The following VAX1 variants were observed in gnomAD, a reference collection of about 807,000 sequenced individuals.
The protein encoded by VAX1 is ventral anterior homeobox 1.
Under a neutral mutation model 17.6 loss-of-function variants are expected in VAX1, and 6 were observed. That is an observed-to-expected ratio of 0.34 (90% confidence interval 0.19 to 0.67). VAX1 has a LOEUF of 0.67. VAX1 is among the 30% of genes least tolerant of loss of function. The pLI is 0.69. For missense variants in VAX1, 408 were observed against 463.7 expected (o/e 0.88, Z 1.10); for synonymous variants, 256 against 227.4 (o/e 1.13, Z -1.13).
downstream of VAX1, chr10:117,131,132 G>A (rs529177604): frequency 1.3e-5 from 2 of 152,958 alleles, no homozygotes; most frequent in Non-Finnish European, 2.9e-5. Flanking sequence ...CCTTGAGCAG[G>A]AGAAAAAAAC....
Position 117,134,183 on chromosome 10 carries a change from A to G in VAX1, c.830T>C (p.Val277Ala), listed in dbSNP as rs1854133267. The G allele has an allele frequency of 1.3e-6, 2 of 1,519,092 alleles. No homozygotes were observed. The highest frequency in any genetic ancestry group is 4.3e-5 in the Admixed American group (2 of 46,106). 94.1% of individuals were successfully genotyped at this position (1,519,092 alleles called of 1,614,324 possible). A position where few individuals can be genotyped will look rare whatever the true frequency, so the allele number is the denominator to read the frequency against. The change falls in exon 3 of 3, where the codon GTG (valine) becomes GCG (alanine). Residue 277 changes from valine (V) to alanine (A), a missense_variant. Physicochemically the swap from Val to Ala is moderately conservative, Grantham distance 64. Coordinates refer to ENST00000369206, the MANE Select transcript of VAX1 (RefSeq NM_001112704.2). The surrounding 1 kb of genome is among the most constrained non-coding windows in gnomAD (Gnocchi z 6.2). ...GGCGACGGAGCCGAGCAGCGAGGGC[A>G]CCGGCAGGCTGAAGAGGCTGTGGCC... is the stretch of plus-strand genomic sequence containing the variant. ...AAGHSLFSLP[V>A]PSLLGSVASR...
chr10:117,132,574 T>G, downstream of VAX1: 1 of 1,380,938 alleles, frequency 7.2e-7, no homozygotes, highest in Non-Finnish European at 9.9e-7. This position sits in a 1 kb window ranked among gnomAD's most constrained non-coding sequence, Gnocchi z 4.9. Context: ...TTCGCTTGCT[T>G]CAGATGGATG....
Position 117,133,485 on chromosome 10 carries a change from C to CG in VAX1, c.*522dup. 1 of 985,542 alleles carries CG rather than the reference C, an allele frequency of 1.0e-6. No individual in the cohort carries two copies. The highest frequency in any genetic ancestry group is 1.2e-6 in the Non-Finnish European group (1 of 830,034). The allele number at this position is 985,542 out of a possible 1,614,324, so 61.0% of individuals were successfully genotyped here. On this transcript the variant is annotated 3_prime_UTR_variant, in exon 3 of 3. Coordinates refer to ENST00000369206, the MANE Select transcript of VAX1 (RefSeq NM_001112704.2). ...CGACTATCCCGAGAGGTCCGCAAAG[C>CG]GGGGCCCAGGGGCTCCCACAAGCCC...
chr10:117,137,620 G>A lies in VAX1; in HGVS notation c.241+196C>T, dbSNP rs1346943088. Among the ~76,000 whole-genome samples, 1 of 152,186 alleles carries A rather than the reference G, an allele frequency of 6.6e-6. No homozygotes were observed. The highest frequency in any genetic ancestry group is 1.5e-5 in the Non-Finnish European group (1 of 68,038). On this transcript the variant is annotated intron_variant, in intron 1 of 2. Transcript: ENST00000369206. This position sits in a 1 kb window ranked among gnomAD's most constrained non-coding sequence, Gnocchi z 7.4. ...CAGCGGGGCCCCTCCGGGCGTGGAG[G>A]GCCGAGGCCCCTGGAGAGCGCACCG... is the stretch of plus-strand genomic sequence containing the variant.
In VAX1 at chr10:117,138,009, G is replaced by C. The variant is rs201199055; in HGVS notation, c.48C>G (p.Ala16=). 1.2e-5 allele frequency: 19 copies of C among 1,605,966 alleles called. No individual in the cohort carries two copies. In the East Asian group the frequency reaches 2.0e-4, roughly 17 times the overall value. The change falls in exon 1 of 3, where the codon GCC becomes GCG. Residue 16 remains alanine (A), a synonymous_variant. Transcript: ENST00000369206. ...DKMDVRCHSD[A]EAARVSKNAH... is the part of the protein sequence containing the mutation. The stretch of plus-strand genomic sequence containing the variant: ...CGTTCTTCGAGACCCGGGCAGCCTC[G>C]GCGTCCGAGTGGCATCGAACGTCCA...
chr10:117,130,507 C>T (rs12777713), downstream of VAX1: 18,469 of 105,422 alleles, frequency 0.18, 1,239 homozygotes, highest in East Asian at 0.42. Context: ...CCTTTCAGCT[C>T]CCCCCTCCTG....
chr10:117,138,173 G>T lies in VAX1; in HGVS notation c.-117C>A. 8.8e-7 allele frequency: 1 copy of T among 1,134,278 alleles called. No individual in the cohort carries two copies. Among genetic ancestry groups the T allele is most frequent in the Non-Finnish European group, 1.2e-6 (1 of 824,828 alleles). 70.3% of individuals were successfully genotyped at this position (1,134,278 alleles called of 1,614,324 possible). On this transcript the variant is annotated 5_prime_UTR_variant, in exon 1 of 3. Coordinates refer to ENST00000369206, the MANE Select transcript of VAX1 (RefSeq NM_001112704.2). ...AGGGGACAAAACCCCCGACAACGCG[G>T]CCCGTACGCCCGGCCCGGCGACAGG...
At position 117,136,316 on chromosome 10, in the gene VAX1, A is replaced by G. The variant is rs762494795; in HGVS notation, c.429+156T>C. Among the ~76,000 whole-genome samples, 10 of 152,222 alleles carry G rather than the reference A, an allele frequency of 6.6e-5. No homozygotes were observed. Among genetic ancestry groups the G allele is most frequent in the Non-Finnish European group, 1.5e-4 (10 of 68,040 alleles). ...GGGAAAGGATGTATTATCTAGGGGA[A>G]GGAATCCTTAGGCCTGTCTTACCCA... On this transcript the variant is annotated intron_variant, in intron 2 of 2. Coordinates refer to ENST00000369206, the MANE Select transcript of VAX1 (RefSeq NM_001112704.2). The surrounding 1 kb of genome is among the most constrained non-coding windows in gnomAD (Gnocchi z 5.0).
In VAX1 at chr10:117,138,249, G is replaced by A. The variant is rs201928731; in HGVS notation, c.-193C>T. 1.3e-3 allele frequency: 899 copies of A among 702,416 alleles called. 3 individuals are homozygous for A. Among genetic ancestry groups the A allele is most frequent in the Middle Eastern group, 5.7e-3 (14 of 2,446 alleles). 43.5% of individuals were successfully genotyped at this position (702,416 alleles called of 1,614,324 possible). ...CGGGGAGGCTTCGGCGGCCGCGCGC[G>A]GGTCAGCGGCGACGGGAGAGTGGCG... On this transcript the variant is annotated 5_prime_UTR_variant, in exon 1 of 3. Coordinates refer to ENST00000369206, the MANE Select transcript of VAX1 (RefSeq NM_001112704.2).
chr10:117,134,727 C>T lies in VAX1; in HGVS notation c.430-144G>A, dbSNP rs1370975221. The T allele has an allele frequency of 1.1e-4, 84 of 797,338 alleles. No individual in the cohort carries two copies. Among genetic ancestry groups the T allele is most frequent in the Non-Finnish European group, 1.4e-4 (80 of 553,856 alleles). The allele number at this position is 797,338 out of a possible 1,614,324, so 49.4% of individuals were successfully genotyped here. Reference sequence around the variant, plus strand: ...GCCCCACCCAGCAGCCGGAGGGGTCCGGGCCGGGGCGCTGCTGGGGGAGCT... The same window carrying T: ...GCCCCACCCAGCAGCCGGAGGGGTCTGGGCCGGGGCGCTGCTGGGGGAGCT... On this transcript the variant is annotated intron_variant, in intron 2 of 2. Transcript: ENST00000369206. The surrounding 1 kb of genome is among the most constrained non-coding windows in gnomAD (Gnocchi z 6.2).
downstream of VAX1, chr10:117,132,092 A>C (rs1214928920): frequency 1.9e-6 from 2 of 1,073,290 alleles, no homozygotes; most frequent in East Asian, 2.5e-5. The surrounding 1 kb of genome is among the most constrained non-coding windows in gnomAD (Gnocchi z 4.9). Flanking sequence ...ATCGAGAGCG[A>C]AACACTCAAG....
Position 117,133,424 on chromosome 10 carries a change from C to G in VAX1, c.*584G>C. The G allele has an allele frequency of 1.0e-6, 1 of 985,434 alleles. No individual in the cohort carries two copies. The highest frequency in any genetic ancestry group is 1.2e-6 in the Non-Finnish European group (1 of 829,996). The allele number at this position is 985,434 out of a possible 1,614,324, so 61.0% of individuals were successfully genotyped here. ...GAGTTGCCCTAAAGGGGAGAAAAAC[C>G]GCAGGATTTGCCCGCCAGGAAGCTG... On this transcript the variant is annotated 3_prime_UTR_variant, in exon 3 of 3. Coordinates refer to ENST00000369206, the MANE Select transcript of VAX1 (RefSeq NM_001112704.2).
chr10:117,136,448 G>T lies in VAX1; in HGVS notation c.429+24C>A. On this transcript the variant is annotated intron_variant, in intron 2 of 2. Coordinates refer to ENST00000369206, the MANE Select transcript of VAX1 (RefSeq NM_001112704.2). This position sits in a 1 kb window ranked among gnomAD's most constrained non-coding sequence, Gnocchi z 5.0. ...TGGGGAGGAAGGCTGGTGCAGAACT[G>T]TGTGCGGCCTGGTCGCCGGGTACCT... 6.2e-7 allele frequency: 1 copy of T among 1,611,540 alleles called. No homozygotes were observed. The highest frequency in any genetic ancestry group is 8.5e-7 in the Non-Finnish European group (1 of 1,179,818).
Position 117,136,779 on chromosome 10 carries a change from T to G in VAX1, c.242-120A>C, listed in dbSNP as rs1854187430. 1 of 1,255,996 alleles carries G rather than the reference T, an allele frequency of 8.0e-7. No individual in the cohort carries two copies. Among genetic ancestry groups the G allele is most frequent in the Admixed American group, 2.8e-5 (1 of 36,160 alleles). 77.8% of individuals were successfully genotyped at this position (1,255,996 alleles called of 1,614,324 possible). ...GCAGTTTTGGGGATGGGGGGCGGGG[T>G]GCGGAGCGCGACCACAACCAGGTAG... On this transcript the variant is annotated intron_variant, in intron 1 of 2. Transcript: ENST00000369206. The surrounding 1 kb of genome is among the most constrained non-coding windows in gnomAD (Gnocchi z 5.0).
At chr10:117,132,164 A>G, downstream of VAX1, 1 of 1,581,008 alleles carries the variant, frequency 6.3e-7, no homozygotes, top group Non-Finnish European at 8.6e-7. This position sits in a 1 kb window ranked among gnomAD's most constrained non-coding sequence, Gnocchi z 4.9. Context: ...AAATCCGCCC[A>G]AACCTCATCC....
chr10:117,134,061 G>C lies in VAX1; in HGVS notation c.952C>G (p.Pro318Ala). The C allele has an allele frequency of 6.5e-7, 1 of 1,535,598 alleles. No homozygotes were observed. Among genetic ancestry groups the C allele is most frequent in the African/African-American group, 1.4e-5 (1 of 71,808 alleles). Residue 318 changes from proline (P) to alanine (A), a missense_variant, in exon 3 of 3, where the codon CCT becomes GCT. Physicochemically the swap from Pro to Ala is conservative, Grantham distance 27. Around this residue, in one of 4 missense-constraint regions of VAX1, gnomAD observed 196 missense variants for 218.7 expected, o/e 0.90. Coordinates refer to ENST00000369206, the MANE Select transcript of VAX1 (RefSeq NM_001112704.2). This position sits in a 1 kb window ranked among gnomAD's most constrained non-coding sequence, Gnocchi z 6.2. ...ARYLSSSAFE[P>A]YSRTNNKEGA... Reference sequence around the variant, plus strand: ...TCTTTATTGTTGGTCCGGGAGTAAGGCTCGAAGGCCGAGGAGCTCAGATAT... The same window carrying C: ...TCTTTATTGTTGGTCCGGGAGTAAGCCTCGAAGGCCGAGGAGCTCAGATAT...
At position 117,133,342 on chromosome 10, in the gene VAX1, T is replaced by A; in HGVS notation, c.*666A>T. On this transcript the variant is annotated 3_prime_UTR_variant, in exon 3 of 3. Transcript: ENST00000369206. ...GCTGATTAGATCAAATTTATCAGTG[T>A]CGTTGCCTACTACGACGTTTGTTAC... 1 of 985,492 alleles carries A rather than the reference T, an allele frequency of 1.0e-6. No homozygotes were observed. The highest frequency in any genetic ancestry group is 1.2e-6 in the Non-Finnish European group (1 of 829,964). 61.0% of individuals were successfully genotyped at this position (985,492 alleles called of 1,614,324 possible).
chr10:117,130,290 A>G (rs983330929), downstream of VAX1: 15 of 152,348 alleles, frequency 9.8e-5, no homozygotes, highest in Admixed American at 9.2e-4. Context: ...GCCAAATGCT[A>G]CTTATGAATA....
chr10:117,137,784 A>G lies in VAX1; in HGVS notation c.241+32T>C. 2 of 1,609,586 alleles carry G rather than the reference A, an allele frequency of 1.2e-6. No individual in the cohort carries two copies. The highest frequency in any genetic ancestry group is 8.5e-7 in the Non-Finnish European group (1 of 1,179,532). ...GCTCCGGCCCCGGAGTCGACCCCAA[A>G]GAACGCGCCTGGCAGCCCTGCCCAT... On this transcript the variant is annotated intron_variant, in intron 1 of 2. Coordinates refer to ENST00000369206, the MANE Select transcript of VAX1 (RefSeq NM_001112704.2). This position sits in a 1 kb window ranked among gnomAD's most constrained non-coding sequence, Gnocchi z 7.4.
Sources: allele counts gnomAD v4.1 joint callset (sites outside exome capture counted in the v4.1 genomes callset), GRCh38; gene constraint gnomAD v4.1.1; regional missense constraint gnomAD v4.1.1; non-coding constraint Gnocchi (gnomAD v3.1); transcripts MANE v1.5; gene names NCBI Gene and HGNC (gene_info 2026-07-23, HGNC 2026-07-21).